Variants in PTPRM observed in about 807,000 individuals in gnomAD.
PTPRM encodes the protein protein tyrosine phosphatase receptor type M, also known as receptor-type tyrosine-protein phosphatase mu.
In PTPRM, 47 loss-of-function variants were observed where a neutral mutation model predicts 186.7. The observed-to-expected ratio is 0.25, with a 90% confidence interval of 0.20 to 0.32. PTPRM has a LOEUF of 0.32. Among genes scored for constraint, PTPRM ranks in the 10% least tolerant of loss-of-function variants. The pLI, the probability that PTPRM is intolerant of heterozygous loss-of-function variation, is 1.00. For synonymous variants in PTPRM, 668 were observed against 674.9 expected (o/e 0.99, Z 0.16); for missense variants, 1,494 against 1,865.0 (o/e 0.80, Z 3.66).
chr18:7,967,230 C>T (rs1377367681), intron 7 of PTPRM, among the ~76,000 whole-genome samples: 306 of 23,898 alleles, frequency 0.013, 21 homozygotes, highest in Admixed American at 0.035. Flanking sequence ...TTCCAACAGA[C>T]CTGCAGCTGA....
At chr18:7,873,561 C>G (rs1342003263) in intron 2 of PTPRM, among the ~76,000 whole-genome samples, 2 of 152,122 alleles carry the variant, frequency 1.3e-5, no homozygotes, top group African/African-American at 4.8e-5. Context: ...AGCTAGCACT[C>G]AGTACAGGTT....
At chr18:7,644,468 C>T (rs2038515089) in intron 1 of PTPRM, among the ~76,000 whole-genome samples, 1 of 152,080 alleles carries the variant, frequency 6.6e-6, no homozygotes, top group African/African-American at 2.4e-5. Flanking sequence ...TATGTCAATT[C>T]ATCTATGTAG....
chr18:8,040,628 A>G (rs1302879220), intron 7 of PTPRM, among the ~76,000 whole-genome samples: 1 of 152,128 alleles, frequency 6.6e-6, no homozygotes, highest in Non-Finnish European at 1.5e-5. Flanking sequence ...AAGTTTTTAA[A>G]TTTTCACTTC....
At chr18:7,619,970 G>T (rs1361002432) in intron 1 of PTPRM, among the ~76,000 whole-genome samples, 1 of 152,186 alleles carries the variant, frequency 6.6e-6, no homozygotes, top group African/African-American at 2.4e-5. Context: ...CCAGCTGATG[G>T]CCAGTGGGCA....
At chr18:7,676,688 T>TGTGTGTGTGTGTGTGTGTGTGC in intron 1 of PTPRM, among the ~76,000 whole-genome samples, 1 of 150,200 alleles carries the variant, frequency 6.7e-6, no homozygotes, top group African/African-American at 2.5e-5. Context: ...TGTGTGTGTG[T>TGTGTGTGTGTGTGTGTGTGTGC]GCGCGTGCAC....
chr18:7,739,771 C>T (rs1271914596), intron 1 of PTPRM, among the ~76,000 whole-genome samples: 3 of 152,188 alleles, frequency 2.0e-5, no homozygotes, highest in African/African-American at 7.2e-5. Flanking sequence ...GCTTAGAAAA[C>T]ACTTCTGGTT....
In PTPRM at chr18:8,314,855, G is replaced by A. The variant is rs141320392; in HGVS notation, c.2917G>A (p.Asp973Asn). Residue 973 changes from aspartate to asparagine, a missense_variant and splice_region_variant, in exon 21 of 33, where the codon GAT (aspartate) becomes AAT (asparagine). By Grantham distance (23) the Asp-to-Asn change is conservative (BLOSUM62 1). Coordinates refer to ENST00000580170, the MANE Select transcript of PTPRM (RefSeq NM_001105244.2). ...NSDYINGNYIDGYHRPNHYIA... is the reference protein window; with the variant it reads ...NSDYINGNYINGYHRPNHYIA... ...AGACTATATCAATGGCAATTATATC[G>A]ATGTATGTATTTTATTATTTTTAAT... The A allele has an allele frequency of 5.7e-6, 9 of 1,575,472 alleles. No homozygotes were observed. The highest frequency in any genetic ancestry group is 5.0e-5 in the Admixed American group (3 of 59,412).
intron 17 of PTPRM, among the ~76,000 whole-genome samples, chr18:8,251,122 A>G (rs1303201467): frequency 6.6e-6 from 1 of 152,194 alleles, no homozygotes; most frequent in Non-Finnish European, 1.5e-5. Context: ...ATGATTACAT[A>G]CAACAGTGAC....
intron 1 of PTPRM, among the ~76,000 whole-genome samples, chr18:7,734,164 C>G (rs1175643938): frequency 6.6e-6 from 1 of 152,146 alleles, no homozygotes; most frequent in Admixed American, 6.5e-5. Context: ...ACAATGGGCC[C>G]AGAGGACAAA....
intron 1 of PTPRM, among the ~76,000 whole-genome samples, chr18:7,704,731 T>G (rs908824084): frequency 3.9e-5 from 6 of 152,134 alleles, no homozygotes; most frequent in African/African-American, 1.4e-4. Flanking sequence ...TATGGTATCT[T>G]TATATCAATA....
chr18:8,403,215 A>T (rs1454860385), intron 32 of PTPRM: 1 of 152,244 alleles, frequency 6.6e-6, no homozygotes, highest in East Asian at 1.9e-4. Context: ...ACCCAGTTGC[A>T]GTTCCACCTG....
At chr18:8,178,522 G>A (rs562992377) in intron 14 of PTPRM, among the ~76,000 whole-genome samples, 1 of 152,278 alleles carries the variant, frequency 6.6e-6, no homozygotes, top group South Asian at 2.1e-4. Context: ...GGTGGCTCAT[G>A]CCTGTAGTCT....
intron 7 of PTPRM, among the ~76,000 whole-genome samples, chr18:7,977,244 C>A (rs193189478): frequency 3.5e-4 from 53 of 152,210 alleles, no homozygotes; most frequent in African/African-American, 1.2e-3. Context: ...CACCTGCCAC[C>A]ACGCCCAGCT....
At chr18:8,282,137 A>C (rs2147752339) in intron 19 of PTPRM, among the ~76,000 whole-genome samples, 1 of 152,340 alleles carries the variant, frequency 6.6e-6, no homozygotes, top group African/African-American at 2.4e-5. Context: ...ACTTCACCAA[A>C]GAGAATGTAC....
At chr18:8,197,692 A>T (rs1315628624) in intron 14 of PTPRM, among the ~76,000 whole-genome samples, 1 of 152,224 alleles carries the variant, frequency 6.6e-6, no homozygotes, top group Non-Finnish European at 1.5e-5. Flanking sequence ...CCTCAGTCAC[A>T]TCAGCACTTT....
intron 7 of PTPRM, among the ~76,000 whole-genome samples, chr18:8,023,866 A>ACGCG (rs1254913370): frequency 6.9e-6 from 1 of 145,000 alleles, no homozygotes; most frequent in African/African-American, 2.5e-5. Context: ...ACACACACAC[A>ACGCG]CACACGCACA....
At chr18:7,842,910 A>ATATGTGTG (rs1325866853) in intron 2 of PTPRM, among the ~76,000 whole-genome samples, 1 of 107,030 alleles carries the variant, frequency 9.3e-6, no homozygotes, top group Non-Finnish European at 1.7e-5. Flanking sequence ...TGTTTCTCAT[A>ATATGTGTG]TGTGTGTGTG....
chr18:7,788,495 G>A (rs1455810768), intron 2 of PTPRM, among the ~76,000 whole-genome samples: 1 of 152,154 alleles, frequency 6.6e-6, no homozygotes, highest in African/African-American at 2.4e-5. Context: ...ATATGAGTGA[G>A]CTTATCTAAG....
In PTPRM at chr18:8,394,211, C is replaced by T. The variant is rs551391061; in HGVS notation, c.4209-265C>T. Among the ~76,000 whole-genome samples the T allele has an allele frequency of 3.3e-5, 5 of 152,272 alleles. No homozygotes were observed. The East Asian group carries it at 7.7e-4, about 24-fold the overall frequency. The stretch of plus-strand genomic sequence containing the variant: ...AAAATTTTCTACCATGGGCCCTTAT[C>T]GATGAATTGCTGTATCAGAGAATGT... On this transcript the variant is annotated intron_variant, in intron 31 of 32. Coordinates refer to ENST00000580170, the MANE Select transcript of PTPRM (RefSeq NM_001105244.2).
Sources: allele counts gnomAD v4.1 joint callset (sites outside exome capture counted in the v4.1 genomes callset), GRCh38; gene constraint gnomAD v4.1.1; transcripts MANE v1.5; gene names NCBI Gene and HGNC (gene_info 2026-07-23, HGNC 2026-07-21).